The following ADGRB3 variants were observed in gnomAD, a reference collection of about 807,000 sequenced individuals.
ADGRB3 encodes adhesion G protein-coupled receptor B3.
A neutral mutation model predicts 193.4 loss-of-function variants in ADGRB3; 37 were observed. The ratio of observed to expected loss-of-function variants is 0.19; its 90% CI spans 0.15 to 0.25. The LOEUF (loss-of-function observed/expected upper bound fraction) is 0.25, where lower values mean the gene tolerates loss of function less well. ADGRB3 is among the 10% of genes least tolerant of loss of function. The pLI, the probability that ADGRB3 is intolerant of heterozygous loss-of-function variation, is 1.00. For synonymous variants in ADGRB3, 690 were observed against 644.2 expected, an observed-to-expected ratio of 1.07 and a Z score of -1.08; for missense variants, 1,637 against 1,852.9, an observed-to-expected ratio of 0.88 and a Z score of 2.14.
At chr6:68,874,900 A>C (rs185123163) in intron 3 of ADGRB3, among the ~76,000 whole-genome samples, 22 of 152,336 alleles carry the variant, frequency 1.4e-4, no homozygotes, top group Non-Finnish European at 2.8e-4. Context: ...ACCTGAATTT[A>C]AAGAGTGCTC....
chr6:68,955,538 C>G (rs562846093), intron 6 of ADGRB3, among the ~76,000 whole-genome samples: 1 of 152,144 alleles, frequency 6.6e-6, no homozygotes, highest in East Asian at 1.9e-4. Flanking sequence ...GCCTGTAATC[C>G]CAGCACTTTG....
intron 12 of ADGRB3, among the ~76,000 whole-genome samples, chr6:69,017,545 A>G (rs1465661725): frequency 6.6e-6 from 1 of 151,932 alleles, no homozygotes; most frequent in Non-Finnish European, 1.5e-5. Context: ...TGACACAATC[A>G]GGTTGCCAAA....
chr6:68,956,483 C>T (rs756525621), intron 7 of ADGRB3, among the ~76,000 whole-genome samples, 162 bp from the exon 8 acceptor site: 28 of 152,178 alleles, frequency 1.8e-4, no homozygotes, highest in South Asian at 4.2e-4. Context: ...CACTGTTCTT[C>T]GCAATGCTCT....
intron 12 of ADGRB3, among the ~76,000 whole-genome samples, chr6:69,016,303 T>G (rs1426012576): frequency 6.6e-6 from 1 of 151,780 alleles, no homozygotes; most frequent in Admixed American, 6.6e-5. Flanking sequence ...TCCACCAAGG[T>G]AGAAGGGAAA....
chr6:68,784,659 T>C (rs1009866576), intron 3 of ADGRB3, among the ~76,000 whole-genome samples: 4 of 152,132 alleles, frequency 2.6e-5, no homozygotes, highest in African/African-American at 9.7e-5. Flanking sequence ...TAAACTTAGC[T>C]TCACCTTGTT....
chr6:68,955,322 A>G (rs569916999), intron 6 of ADGRB3, among the ~76,000 whole-genome samples: 5 of 152,322 alleles, frequency 3.3e-5, no homozygotes, highest in South Asian at 4.1e-4. Flanking sequence ...TAATTGATTT[A>G]TCTAGCATGT....
At chr6:69,182,966 T>C (rs117918645) in intron 17 of ADGRB3, among the ~76,000 whole-genome samples, 4,170 of 152,230 alleles carry the variant, frequency 0.027, 77 homozygotes, top group Non-Finnish European at 0.04. Context: ...TTTTTTAACC[T>C]TTCCTCATAA....
At chr6:68,869,453 G>T (rs1180035116) in intron 3 of ADGRB3, among the ~76,000 whole-genome samples, 4 of 152,000 alleles carry the variant, frequency 2.6e-5, no homozygotes, top group South Asian at 2.1e-4. Context: ...TAAATTTTCT[G>T]GACAGAAAAA....
At chr6:69,040,347 T>TTCTTTCTTTC (rs1407641268) in intron 13 of ADGRB3, among the ~76,000 whole-genome samples, 731 of 54,414 alleles carry the variant, frequency 0.013, 8 homozygotes, top group Non-Finnish European at 0.022. Flanking sequence ...CTTTCTTTCT[T>TTCTTTCTTTC]TCTTTCTTTC....
intron 20 of ADGRB3, among the ~76,000 whole-genome samples, chr6:69,261,266 G>A (rs192901543): frequency 2.6e-5 from 4 of 152,204 alleles, no homozygotes; most frequent in African/African-American, 9.6e-5. Flanking sequence ...CAAGCTGTTA[G>A]AACTGATAGA....
At chr6:68,777,906 A>C (rs1231356112) in intron 3 of ADGRB3, among the ~76,000 whole-genome samples, 2 of 152,036 alleles carry the variant, frequency 1.3e-5, no homozygotes, top group South Asian at 2.1e-4. Context: ...TGGAAAATGC[A>C]ATCTTGCTAA....
At chr6:69,033,506 G>A (rs1374749767) in intron 13 of ADGRB3, among the ~76,000 whole-genome samples, 1 of 151,990 alleles carries the variant, frequency 6.6e-6, no homozygotes, top group Non-Finnish European at 1.5e-5. Context: ...CTTTTGAATA[G>A]TCAAAAATAT....
rs746063281 is a variant in ADGRB3, at chr6:69,361,414, C to T, written c.4141C>T (p.Arg1381Cys). 3 of 1,612,934 alleles carry T rather than the reference C, an allele frequency of 1.9e-6. No individual in the cohort carries two copies. Among genetic ancestry groups the T allele is most frequent in the South Asian group, 1.1e-5 (1 of 91,060 alleles). ...EHMQNLPFEP[R>C]TAVKNFMASE... ...TATGCAGAATTTGCCCTTTGAACCTCGCACAGCTGTGAAGAATTTCATGGC... is the reference window on the plus strand; with the variant it reads ...TATGCAGAATTTGCCCTTTGAACCTTGCACAGCTGTGAAGAATTTCATGGC... Residue 1381 changes from arginine (R) to cysteine (C), a missense_variant, in exon 29 of 32, where the codon CGC becomes TGC. Arg to Cys is a radical substitution (Grantham distance 180, BLOSUM62 -3). Coordinates refer to ENST00000370598, the MANE Select transcript of ADGRB3 (RefSeq NM_001704.3).
At chr6:68,859,042 A>T (rs758864854) in intron 3 of ADGRB3, among the ~76,000 whole-genome samples, 1 of 150,518 alleles carries the variant, frequency 6.6e-6, no homozygotes, top group Non-Finnish European at 1.5e-5. Context: ...AAGTTTGCAA[A>T]CTTTTGTGCT....
intron 3 of ADGRB3, among the ~76,000 whole-genome samples, chr6:68,647,687 C>A (rs1199907563): frequency 1.3e-5 from 2 of 152,212 alleles, no homozygotes; most frequent in East Asian, 3.9e-4. Flanking sequence ...GAAAGCTGTC[C>A]TTTGAATATC....
chr6:68,649,750 G>A (rs569797782), intron 3 of ADGRB3, among the ~76,000 whole-genome samples: 1 of 152,272 alleles, frequency 6.6e-6, no homozygotes, highest in South Asian at 2.1e-4. Flanking sequence ...TTGAGAAATA[G>A]CATTGAAGGT....
intron 3 of ADGRB3, among the ~76,000 whole-genome samples, chr6:68,839,151 T>G (rs1450435092): frequency 6.6e-6 from 1 of 151,590 alleles, no homozygotes; most frequent in East Asian, 1.9e-4. Context: ...AACAAGTCAT[T>G]AAGTTGTCTA....
intron 16 of ADGRB3, among the ~76,000 whole-genome samples, chr6:69,066,976 CA>C (rs1217415040): frequency 6.6e-6 from 1 of 152,082 alleles, no homozygotes; most frequent in Non-Finnish European, 1.5e-5. Flanking sequence ...AGGTGAATAA[CA>C]TCTTTATCTT....
chr6:68,904,806 A>G (rs1408934906), intron 3 of ADGRB3, among the ~76,000 whole-genome samples: 1 of 152,142 alleles, frequency 6.6e-6, no homozygotes, highest in Non-Finnish European at 1.5e-5. Context: ...TATCTCTCTC[A>G]TGATCTTGTT....
Sources: gnomAD v4.1 joint callset for allele counts (sites outside exome capture counted in the v4.1 genomes callset) on GRCh38, gnomAD v4.1.1 for gene constraint, MANE v1.5 for transcripts, NCBI Gene and HGNC (gene_info 2026-07-23, HGNC 2026-07-21) for gene names.